CHN1: variants seen among roughly 807,000 people sequenced by gnomAD.
CHN1 encodes the protein chimerin 1, also known as N-chimaerin.
A neutral mutation model predicts 59.5 loss-of-function variants in CHN1; 37 were observed. That is an observed-to-expected ratio of 0.62 (90% CI 0.48 to 0.82). The LOEUF (loss-of-function observed/expected upper bound fraction) is 0.82. Among genes scored for constraint, CHN1 ranks in the 40% least tolerant of loss-of-function variants. CHN1 has a pLI of 0.00. For missense variants in CHN1, 469 were observed against 571.0 expected (o/e 0.82, Z 1.82); for synonymous variants, 206 against 200.4 (o/e 1.03, Z -0.24).
chr2:174,868,259 C>T (rs1425386199), intron 6 of CHN1, among the ~76,000 whole-genome samples: 1 of 152,142 alleles, frequency 6.6e-6, no homozygotes, highest in East Asian at 1.9e-4. Context: ...GTTGGCATAA[C>T]ATGATGAGTT....
At chr2:174,855,370 G>A (rs1686870013) in intron 6 of CHN1, among the ~76,000 whole-genome samples, 1 of 151,966 alleles carries the variant, frequency 6.6e-6, no homozygotes, top group Non-Finnish European at 1.5e-5. Context: ...TTAACTCTTG[G>A]GTAATATGAG....
chr2:174,800,050 C>G lies in CHN1; in HGVS notation c.*66G>C. On this transcript the variant is annotated 3_prime_UTR_variant, in exon 13 of 13. Coordinates refer to ENST00000409900, the MANE Select transcript of CHN1 (RefSeq NM_001822.7). ...TCAAGAAATAATGCAGCTACAGGAG[C>G]AAATTAAATTACTATAAAACATTCC... 7.1e-7 allele frequency: 1 copy of G among 1,408,698 alleles called. No homozygotes were observed. Among genetic ancestry groups the G allele is most frequent in the Non-Finnish European group, 9.8e-7 (1 of 1,022,842 alleles). 87.3% of individuals were successfully genotyped at this position (1,408,698 alleles called of 1,614,324 possible). A position where few individuals can be genotyped will look rare whatever the true frequency, so the allele number is the denominator to read the frequency against.
chr2:174,891,081 C>T (rs1688028681), intron 5 of CHN1, among the ~76,000 whole-genome samples: 1 of 126,032 alleles, frequency 7.9e-6, no homozygotes, highest in African/African-American at 3.2e-5. Flanking sequence ...GCAGAGCTTG[C>T]AGTGAGCCGA....
At chr2:174,955,033 C>T (rs931391676) in intron 1 of CHN1, among the ~76,000 whole-genome samples, 1 of 151,626 alleles carries the variant, frequency 6.6e-6, no homozygotes, top group African/African-American at 2.4e-5. Flanking sequence ...GATATGGAAC[C>T]AGCCCAAATG....
chr2:174,970,188 G>A (rs1206107533), intron 1 of CHN1, among the ~76,000 whole-genome samples: 1 of 152,134 alleles, frequency 6.6e-6, no homozygotes, highest in Non-Finnish European at 1.5e-5. Context: ...AAAGTGAGAA[G>A]TGTGCATAAA....
intron 11 of CHN1, chr2:174,802,035 T>C (rs762848666): frequency 2.5e-6 from 1 of 395,830 alleles, no homozygotes; most frequent in African/African-American, 2.0e-5. Flanking sequence ...CTTTTGGGGA[T>C]GGAGGGAACA....
rs764397493 is a variant in CHN1, at chr2:174,944,944, C to T, written c.59-1G>A. 1.3e-6 allele frequency: 2 copies of T among 1,569,316 alleles called. No homozygotes were observed. Among genetic ancestry groups the T allele is most frequent in the South Asian group, 2.3e-5 (2 of 85,206 alleles). On this transcript the variant is annotated splice_acceptor_variant, in intron 2 of 12. Coordinates refer to ENST00000409900, the MANE Select transcript of CHN1 (RefSeq NM_001822.7). LOFTEE classifies it high-confidence loss of function. ...GGGGCTTCCTGTTGTAGCTGATATA[C>T]TGTGAGAAGGTAGAAACAAAAAGTG...
chr2:174,961,499 G>T (rs1574216802), intron 1 of CHN1, among the ~76,000 whole-genome samples: 1 of 152,088 alleles, frequency 6.6e-6, no homozygotes, highest in East Asian at 1.9e-4. Flanking sequence ...GCTGAGGCAG[G>T]AGAATCGCTT....
intron 6 of CHN1, among the ~76,000 whole-genome samples, chr2:174,865,626 C>T (rs1687193801): frequency 1.3e-5 from 2 of 152,150 alleles, no homozygotes; most frequent in African/African-American, 4.8e-5. Context: ...TAATTCTAAG[C>T]TTTACAATCC....
chr2:174,868,264 T>C (rs1574106734), intron 6 of CHN1, among the ~76,000 whole-genome samples: 1 of 152,350 alleles, frequency 6.6e-6, no homozygotes. Flanking sequence ...CATAACATGA[T>C]GAGTTAGTCA....
intron 6 of CHN1, among the ~76,000 whole-genome samples, chr2:174,854,093 T>C (rs1686827787): frequency 6.6e-6 from 1 of 152,206 alleles, no homozygotes; most frequent in Admixed American, 6.5e-5. Flanking sequence ...TAAAGTACTA[T>C]GTTAATACTT....
Position 174,812,326 on chromosome 2 carries a change from C to T in CHN1, c.869G>A (p.Arg290Lys), listed in dbSNP as rs1361540391. 1 of 1,613,214 alleles carries T rather than the reference C, an allele frequency of 6.2e-7. No individual in the cohort carries two copies. The highest frequency in any genetic ancestry group is 1.1e-5 in the South Asian group (1 of 90,970). ...TGGCTCACCTCTAGACTCAATCTCC[C>T]TGATGCACATGTCTACCACCATTGG... ...KRPMVVDMCI[R>K]EIESRGLNSE... is the part of the protein sequence containing the mutation. Residue 290 changes from arginine to lysine, a missense_variant, in exon 9 of 13, where the codon AGG (arginine) becomes AAG (lysine). By Grantham distance (26) the Arg-to-Lys change is conservative. This residue lies in a region of CHN1 where 225 missense variants were observed against 289.9 expected (regional missense o/e 0.78). Transcript: ENST00000409900.
At chr2:174,826,204 G>A (rs1203206529) in intron 7 of CHN1, among the ~76,000 whole-genome samples, 1 of 152,190 alleles carries the variant, frequency 6.6e-6, no homozygotes, top group Non-Finnish European at 1.5e-5. Context: ...GATTGTTAAT[G>A]ATGTTCAGAG....
intron 3 of CHN1, among the ~76,000 whole-genome samples, chr2:174,929,553 G>C (rs909693912): frequency 1.3e-5 from 2 of 151,958 alleles, no homozygotes; most frequent in African/African-American, 2.4e-5. Context: ...ACTCCAGCCT[G>C]GGTGACAGAG....
chr2:174,845,389 C>G (rs1366070543), intron 7 of CHN1, among the ~76,000 whole-genome samples: 2 of 152,064 alleles, frequency 1.3e-5, no homozygotes, highest in Non-Finnish European at 2.9e-5. Context: ...TATTTGGGGT[C>G]ATTTTCCTGA....
chr2:174,935,025 T>C (rs1224398049), intron 3 of CHN1, among the ~76,000 whole-genome samples: 1 of 152,182 alleles, frequency 6.6e-6, no homozygotes, highest in East Asian at 1.9e-4. Flanking sequence ...ATCACGTTTT[T>C]CTCCTGCTTA....
intron 5 of CHN1, among the ~76,000 whole-genome samples, chr2:174,883,505 G>T (rs2105338985): frequency 6.6e-6 from 1 of 152,220 alleles, no homozygotes; most frequent in South Asian, 2.1e-4. Context: ...AGACTTAAGA[G>T]TAGAGACCAT....
At chr2:174,820,046 T>A (rs1277852756) in intron 8 of CHN1, among the ~76,000 whole-genome samples, 1 of 152,130 alleles carries the variant, frequency 6.6e-6, no homozygotes, top group Non-Finnish European at 1.5e-5. Context: ...TGCCACATTT[T>A]CTTAATCCAG....
intron 1 of CHN1, among the ~76,000 whole-genome samples, chr2:174,978,119 G>A (rs1415181863): frequency 1.3e-5 from 2 of 152,220 alleles, no homozygotes; most frequent in Non-Finnish European, 2.9e-5. Context: ...ATATCATCAA[G>A]TATTTCCAAT....
Sources: allele counts gnomAD v4.1 joint callset (sites outside exome capture counted in the v4.1 genomes callset), GRCh38; gene constraint gnomAD v4.1.1; regional missense constraint gnomAD v4.1.1; transcripts MANE v1.5; gene names NCBI Gene and HGNC (gene_info 2026-07-23, HGNC 2026-07-21).